BAHCC1: variants seen among roughly 807,000 people sequenced by gnomAD.
The protein encoded by BAHCC1 is BAH and coiled-coil domain-containing protein 1.
BAHCC1 carries 43 observed loss-of-function variants against 88.2 expected under a neutral mutation model. The ratio of observed to expected loss-of-function variants is 0.49; its 90% CI spans 0.38 to 0.63. BAHCC1 has a LOEUF of 0.63. Ranked by LOEUF, BAHCC1 falls within the 20% of genes least tolerant of loss-of-function variation. The pLI is 0.00. For synonymous variants in BAHCC1, 1,510 were observed against 745.5 expected, an observed-to-expected ratio of 2.03 and a Z score of -16.71; for missense variants, 3,023 against 1,654.8, an observed-to-expected ratio of 1.83 and a Z score of -14.34.
intron 2 of BAHCC1, chr17:81,409,995 C>T (rs534530142): frequency 8.8e-5 from 22 of 250,014 alleles, no homozygotes; most frequent in Admixed American, 6.3e-4. Context: ...GCAGCTGCCC[C>T]GGCCTAAGGT....
chr17:81,460,654 C>G lies in BAHCC1; in HGVS notation c.6150C>G (p.Gly2050=), dbSNP rs782273720. The G allele has an allele frequency of 1.3e-6, 1 of 772,068 alleles. No homozygotes were observed. Among genetic ancestry groups the G allele is most frequent in the Non-Finnish European group, 2.4e-6 (1 of 414,398 alleles). The allele number at this position is 772,068 out of a possible 1,614,324, so 47.8% of individuals were successfully genotyped here. ...GCCTGTCCCCCAAAGCACAGGACGG[C>G]CCCGAAGCTTTGAAGACACCTGGGA... is the stretch of plus-strand genomic sequence containing the variant. ...TPSLSPKAQD[G]PEALKTPGKK... is the part of the protein sequence containing the mutation. Residue 2050 remains glycine, a synonymous_variant, in exon 25 of 28, where the codon GGC becomes GGG. Coordinates refer to ENST00000675386, the MANE Select transcript of BAHCC1 (RefSeq NM_001377448.1).
chr17:81,431,288 C>T (rs1226915176), intron 3 of BAHCC1, among the ~76,000 whole-genome samples: 1 of 152,116 alleles, frequency 6.6e-6, no homozygotes, highest in Non-Finnish European at 1.5e-5. Flanking sequence ...GCCTCCTGTC[C>T]CCACTGGAGT....
chr17:81,447,313 C>T lies in BAHCC1; in HGVS notation c.3441C>T (p.Asp1147=). 1 of 742,656 alleles carries T rather than the reference C, an allele frequency of 1.3e-6. No homozygotes were observed. Among genetic ancestry groups the T allele is most frequent in the Non-Finnish European group, 2.5e-6 (1 of 401,158 alleles). 46.0% of individuals were successfully genotyped at this position (742,656 alleles called of 1,614,324 possible). A position where few individuals can be genotyped will look rare whatever the true frequency, so the allele number is the denominator to read the frequency against. Residue 1147 remains aspartate (D), a synonymous_variant, in exon 11 of 28, where the codon GAC becomes GAT. Coordinates refer to ENST00000675386, the MANE Select transcript of BAHCC1 (RefSeq NM_001377448.1). ...TERGPQGKAA[D]PSPLEGLQEL... ...GGGGACCCCAGGGGAAGGCAGCGGACCCCAGCCCACTAGAGGGGCTACAAG... is the reference window on the plus strand; with the variant it reads ...GGGGACCCCAGGGGAAGGCAGCGGATCCCAGCCCACTAGAGGGGCTACAAG...
intron 2 of BAHCC1, among the ~76,000 whole-genome samples, chr17:81,410,862 T>A (rs2063941129): frequency 6.6e-6 from 1 of 151,732 alleles, no homozygotes; most frequent in South Asian, 2.1e-4. Context: ...CTGCCTGGGG[T>A]TGGGGGACAA....
chr17:81,426,260 G>A (rs1208146780), intron 2 of BAHCC1, among the ~76,000 whole-genome samples: 14 of 146,848 alleles, frequency 9.5e-5, no homozygotes, highest in African/African-American at 2.8e-4. Context: ...GGTAATAGTC[G>A]TGGGTGATGT....
At position 81,400,028 on chromosome 17, in the gene BAHCC1, G is replaced by A. The variant is rs1236686282; in HGVS notation, c.178+111G>A. On this transcript the variant is annotated intron_variant, in intron 2 of 27. Transcript: ENST00000675386. Reference sequence around the variant, plus strand: ...AGCTTTGGTTTCATTTCCCGGCCCCGGCCGCGGTGGCTGCCTGGGCGCTGA... The same window carrying A: ...AGCTTTGGTTTCATTTCCCGGCCCCAGCCGCGGTGGCTGCCTGGGCGCTGA... The A allele has an allele frequency of 3.1e-6, 3 of 962,120 alleles. No individual in the cohort carries two copies. The Admixed American group carries it at 1.4e-4, about 44-fold the overall frequency. The allele number at this position is 962,120 out of a possible 1,614,324, so 59.6% of individuals were successfully genotyped here.
intron 8 of BAHCC1, 59 bp downstream of exon 8, chr17:81,444,885 C>T: frequency 4.1e-6 from 3 of 723,044 alleles, no homozygotes; most frequent in Non-Finnish European, 7.6e-6. Context: ...GGAGGGGCAG[C>T]CGGGGGTGTG....
In BAHCC1 at chr17:81,445,061, C is replaced by T. The variant is rs1555653943; in HGVS notation, c.2718C>T (p.Gly906=). 1 of 765,546 alleles carries T rather than the reference C, an allele frequency of 1.3e-6. No homozygotes were observed. Among genetic ancestry groups the T allele is most frequent in the Non-Finnish European group, 2.4e-6 (1 of 412,882 alleles). The allele number at this position is 765,546 out of a possible 1,614,324, so 47.4% of individuals were successfully genotyped here. A position where few individuals can be genotyped will look rare whatever the true frequency, so the allele number is the denominator to read the frequency against. The change falls in exon 9 of 28, where the codon GGC becomes GGT. Residue 906 remains glycine, a synonymous_variant. Transcript: ENST00000675386. ...QASLWPPMYG[G]RGPASHMQHP... ...CACTGTGGCCCCCCATGTACGGGGG[C>T]CGGGGCCCCGCCTCTCACATGCAGC...
intron 2 of BAHCC1, among the ~76,000 whole-genome samples, chr17:81,426,253 A>T (rs1376852498): frequency 4.9e-5 from 1 of 20,498 alleles, no homozygotes; most frequent in Admixed American, 4.7e-4. Flanking sequence ...GGTTGGTGGT[A>T]ATAGTCGTGG....
rs569164565 is a variant in BAHCC1 at position 81,451,706 on chromosome 17, C to T, written c.4015C>T (p.Leu1339=). 4 of 776,690 alleles carry T rather than the reference C, an allele frequency of 5.2e-6. No homozygotes were observed. Among genetic ancestry groups the T allele is most frequent in the Non-Finnish European group, 9.6e-6 (4 of 417,728 alleles). The allele number at this position is 776,690 out of a possible 1,614,324, so 48.1% of individuals were successfully genotyped here. The stretch of plus-strand genomic sequence containing the variant: ...CGTGCTAGCCTTCAACCTGCAGCAC[C>T]TGGCCACGCTGGCCACAGCCTGGTC... ...EDVLAFNLQH[L]ATLATAWSLV... is the part of the protein sequence containing the mutation. The change falls in exon 12 of 28, where the codon CTG becomes TTG. Residue 1339 remains leucine (L), a synonymous_variant. Transcript: ENST00000675386.
chr17:81,449,990 G>A lies in BAHCC1; in HGVS notation c.3977-1678G>A, dbSNP rs76092363. 3.0e-3 allele frequency among the ~76,000 whole-genome samples: 453 copies of A among 152,248 alleles called. 1 individual carries two copies. Among genetic ancestry groups the A allele is most frequent in the African/African-American group, 0.01 (435 of 41,554 alleles). On this transcript the variant is annotated intron_variant, in intron 11 of 27. Transcript: ENST00000675386. ...CAGGTGCGTGCCCCAGCTGTCAGGC[G>A]CTGATTTGTCCCATCGTGGATGGGG...
intron 15 of BAHCC1, among the ~76,000 whole-genome samples, chr17:81,455,720 G>A (rs1555657108): frequency 2.0e-5 from 3 of 152,206 alleles, no homozygotes; most frequent in Admixed American, 6.5e-5. Flanking sequence ...GGTGGCCCAG[G>A]GCACACTTGG....
At chr17:81,462,140 C>T (rs140388675) in intron 26 of BAHCC1, 94 bp downstream of exon 26, 1 of 620,208 alleles carries the variant, frequency 1.6e-6, no homozygotes, top group Non-Finnish European at 2.9e-6. Flanking sequence ...CCTTTTTCAT[C>T]TTCCTACTTG....
rs371683863 is a variant in BAHCC1 at position 81,400,218 on chromosome 17, C to A, written c.178+301C>A. Among the ~76,000 whole-genome samples the A allele has an allele frequency of 2.2e-4, 34 of 152,320 alleles. 1 individual carries two copies. The South Asian group carries it at 6.2e-3, about 28-fold the overall frequency. On this transcript the variant is annotated intron_variant, in intron 2 of 27. Coordinates refer to ENST00000675386, the MANE Select transcript of BAHCC1 (RefSeq NM_001377448.1). ...CCCTCCCCCGCCCCCTCCTGCAGAT[C>A]TAAATTCCACGGAAACCTCTTTTCT...
intron 27 of BAHCC1, among the ~76,000 whole-genome samples, 172 bp downstream of exon 27, chr17:81,463,148 G>T (rs1462089761): frequency 1.3e-5 from 2 of 152,140 alleles, no homozygotes; most frequent in East Asian, 3.9e-4. Context: ...ATGCCCTAGA[G>T]CAGGGCTCCC....
At chr17:81,410,607 G>GAA (rs1555647691) in intron 2 of BAHCC1, among the ~76,000 whole-genome samples, 1 of 150,702 alleles carries the variant, frequency 6.6e-6, no homozygotes, top group African/African-American at 2.4e-5. Context: ...CACGGGTCCT[G>GAA]GCACCACGGG....
At chr17:81,443,691 A>G (rs782166298) in intron 5 of BAHCC1, 118 bp from the exon 6 acceptor site, 1 of 646,546 alleles carries the variant, frequency 1.5e-6, no homozygotes, top group Non-Finnish European at 2.8e-6. Flanking sequence ...CCCCAGGACC[A>G]GGGGATCCTC....
chr17:81,396,929 T>G (rs1323921753), intron 1 of BAHCC1: 2 of 152,308 alleles, frequency 1.3e-5, no homozygotes, highest in East Asian at 3.9e-4. Flanking sequence ...TGCGGCGCCG[T>G]CCTCGCGGTC....
chr17:81,448,680 C>T (rs1568025673), intron 11 of BAHCC1, among the ~76,000 whole-genome samples: 1 of 152,082 alleles, frequency 6.6e-6, no homozygotes, highest in Non-Finnish European at 1.5e-5. Context: ...TGTTCTCGAA[C>T]AGTGCATTTC....
Sources: gnomAD v4.1 joint callset for allele counts (sites outside exome capture counted in the v4.1 genomes callset) on GRCh38, gnomAD v4.1.1 for gene constraint, MANE v1.5 for transcripts, NCBI Gene and HGNC (gene_info 2026-07-23, HGNC 2026-07-21) for gene names.